The following CDC42BPA variants were observed in gnomAD, a reference collection of about 807,000 sequenced individuals.
CDC42BPA encodes serine/threonine-protein kinase MRCK alpha.
CDC42BPA carries 80 observed loss-of-function variants against 223.5 expected under a neutral mutation model. The observed-to-expected ratio is 0.36, with a 90% CI of 0.30 to 0.43. CDC42BPA has a LOEUF of 0.43. Among genes scored for constraint, CDC42BPA ranks in the 20% least tolerant of loss-of-function variants. The pLI is 1.00. For missense variants in CDC42BPA, 1,743 were observed against 2,099.9 expected (o/e 0.83, Z 3.32); for synonymous variants, 694 against 718.6 (o/e 0.97, Z 0.55).
chr1:227,152,409 T>A (rs1661955935), intron 6 of CDC42BPA, among the ~76,000 whole-genome samples: 1 of 152,168 alleles, frequency 6.6e-6, no homozygotes, highest in African/African-American at 2.4e-5. Flanking sequence ...TTGTGAGTGT[T>A]ACACGTTGAG....
At chr1:227,040,573 T>G in intron 23 of CDC42BPA, among the ~76,000 whole-genome samples, 1 of 152,304 alleles carries the variant, frequency 6.6e-6, no homozygotes, top group South Asian at 2.1e-4. Context: ...CAGCAAATAG[T>G]TAAGTAAAAT....
In CDC42BPA at chr1:227,261,124, C is replaced by T. The variant is rs10524126; in HGVS notation, c.179-6969G>A. Among the ~76,000 whole-genome samples, 187 of 120,928 alleles carry T rather than the reference C, an allele frequency of 1.5e-3. 1 individual carries two copies. The highest frequency in any genetic ancestry group is 3.3e-3 in the South Asian group (12 of 3,598). 79.3% of individuals were successfully genotyped at this position (120,928 alleles called of 152,430 possible). On this transcript the variant is annotated intron_variant, in intron 1 of 36. Transcript: ENST00000366766. ...TTTTTAACAGAATAATTGAGTTTTT[C>T]TTTTTTTTTGAGACAGAGTCTCGCT...
intron 2 of CDC42BPA, among the ~76,000 whole-genome samples, chr1:227,231,734 GTGA>G (rs1248749087): frequency 6.6e-6 from 1 of 151,988 alleles, no homozygotes; most frequent in East Asian, 1.9e-4. Flanking sequence ...CTGATGGCCA[GTGA>G]TGATGAGCAT....
At chr1:227,048,471 G>A (rs952553284) in intron 22 of CDC42BPA, among the ~76,000 whole-genome samples, 1 of 151,848 alleles carries the variant, frequency 6.6e-6, no homozygotes, top group African/African-American at 2.4e-5. Context: ...AGCTCTGGAT[G>A]TGAATACATA....
intron 17 of CDC42BPA, among the ~76,000 whole-genome samples, chr1:227,077,127 T>C (rs1384160835): frequency 1.3e-5 from 2 of 152,184 alleles, no homozygotes; most frequent in African/African-American, 4.8e-5. Flanking sequence ...TCCTGAAAAG[T>C]TGGGGCATAT....
In CDC42BPA at chr1:227,072,230, A is replaced by G. The variant is rs1268545408; in HGVS notation, c.2805T>C (p.Thr935=). The G allele has an allele frequency of 1.9e-6, 3 of 1,604,922 alleles. No homozygotes were observed. The highest frequency in any genetic ancestry group is 1.1e-5 in the South Asian group (1 of 90,644). ...TACCCTTTTCAGATCTAAGCTCTTC[A>G]GTGTCCTTTATCAGCTGTTCGATTT... is the stretch of plus-strand genomic sequence containing the variant. ...LSEIEQLIKD[T]EELRSEKGIE... Residue 935 remains threonine (T), a synonymous_variant, in exon 20 of 37, where the codon ACT becomes ACC. Coordinates refer to ENST00000366766, the MANE Select transcript of CDC42BPA (RefSeq NM_001394014.1).
rs531035081 is a variant in CDC42BPA, at chr1:227,230,344, A to C, written c.271-17125T>G. On this transcript the variant is annotated intron_variant, in intron 2 of 36. Coordinates refer to ENST00000366766, the MANE Select transcript of CDC42BPA (RefSeq NM_001394014.1). ...TAATCAGAATCAGAAGCTCCACATAAATTATTTAATAGTTCAAATTTCTCA... is the reference window on the plus strand; with the variant it reads ...TAATCAGAATCAGAAGCTCCACATACATTATTTAATAGTTCAAATTTCTCA... Among the ~76,000 whole-genome samples the C allele has an allele frequency of 1.1e-4, 16 of 152,320 alleles. 1 individual carries two copies. The South Asian group carries it at 3.3e-3, about 32-fold the overall frequency.
At chr1:227,001,619 G>C (rs1252814246) in intron 35 of CDC42BPA, among the ~76,000 whole-genome samples, 1 of 152,168 alleles carries the variant, frequency 6.6e-6, no homozygotes, top group Non-Finnish European at 1.5e-5. Context: ...AACCTAATGT[G>C]AACTGGGCTG....
intron 21 of CDC42BPA, among the ~76,000 whole-genome samples, chr1:227,054,139 CTTTA>C (rs10560887): frequency 0.28 from 42,912 of 151,844 alleles, 6,222 homozygotes; most frequent in African/African-American, 0.34. Context: ...TTGCAAAAGG[CTTTA>C]TTTAGCCCCA....
intron 1 of CDC42BPA, among the ~76,000 whole-genome samples, chr1:227,297,954 G>GTATATA (rs371424194): frequency 2.1e-4 from 27 of 127,106 alleles, no homozygotes; most frequent in East Asian, 6.3e-4. Flanking sequence ...GTGTGTGTGT[G>GTATATA]TATATATACA....
intron 3 of CDC42BPA, among the ~76,000 whole-genome samples, chr1:227,204,619 C>T (rs1404108527): frequency 2.0e-5 from 3 of 152,068 alleles, no homozygotes; most frequent in African/African-American, 7.2e-5. Flanking sequence ...AGCTGAAGTG[C>T]CTCAGGGTAG....
At chr1:227,297,158 A>G (rs942809037) in intron 1 of CDC42BPA, among the ~76,000 whole-genome samples, 10 of 152,252 alleles carry the variant, frequency 6.6e-5, no homozygotes, top group African/African-American at 2.4e-4. Flanking sequence ...AAGAAGATAT[A>G]CAAATTGCCA....
chr1:227,059,490 C>T (rs1191310000), intron 21 of CDC42BPA: 13 of 1,261,608 alleles, frequency 1.0e-5, no homozygotes, highest in Non-Finnish European at 1.5e-5. Flanking sequence ...ATTGTATTAA[C>T]AGACAAAGTA....
intron 35 of CDC42BPA, among the ~76,000 whole-genome samples, chr1:226,996,502 G>T (rs1661636409): frequency 9.6e-6 from 1 of 104,666 alleles, no homozygotes; most frequent in Non-Finnish European, 2.4e-5. Context: ...CCAATACTAT[G>T]TTGAATAGGA....
chr1:227,036,208 C>G lies in CDC42BPA; in HGVS notation c.3200-601G>C, dbSNP rs374048833. Among the ~76,000 whole-genome samples the G allele has an allele frequency of 1.2e-4, 18 of 152,242 alleles. No homozygotes were observed. The East Asian group carries it at 3.3e-3, about 28-fold the overall frequency. On this transcript the variant is annotated intron_variant, in intron 24 of 36. Transcript: ENST00000366766. ...TCTAAGAGAGGTACAGTTACCATCT[C>G]TATAAATGGACTACATATCACTGAT...
chr1:227,273,995 C>CAAAAAAAAAAAAAAAAAAAAAA lies in CDC42BPA; in HGVS notation c.179-19862_179-19841dup, dbSNP rs10599884. ...ATAGTTTTCAAATATTCGTATACACCAAAAAAAAAAAAAAAAAAAAAAAAA... is the reference window on the plus strand; with the variant it reads ...ATAGTTTTCAAATATTCGTATACACCAAAAAAAAAAAAAAAAAAAAAAAAAAAAAAAAAAAAAAAAAAAAAAA... On this transcript the variant is annotated intron_variant, in intron 1 of 36. Coordinates refer to ENST00000366766, the MANE Select transcript of CDC42BPA (RefSeq NM_001394014.1). Among the ~76,000 whole-genome samples, 13 of 57,004 alleles carry CAAAAAAAAAAAAAAAAAAAAAA rather than the reference C, an allele frequency of 2.3e-4. 1 individual carries two copies. The highest frequency in any genetic ancestry group is 7.0e-4 in the African/African-American group (11 of 15,672). The allele number at this position is 57,004 out of a possible 152,430, so 37.4% of individuals were successfully genotyped here. A position where few individuals can be genotyped will look rare whatever the true frequency, so the allele number is the denominator to read the frequency against.
At position 227,298,105 on chromosome 1, in the gene CDC42BPA, CA is replaced by C. The variant is rs541949123; in HGVS notation, c.178+18899del. 4.7e-5 allele frequency among the ~76,000 whole-genome samples: 7 copies of C among 149,582 alleles called. No homozygotes were observed. In the South Asian group the frequency reaches 1.1e-3, roughly 23 times the overall value. Reference sequence around the variant, plus strand: ...ATACAATGTTTTTTTTTATCTGTCTCAAAAAAAATCTCTCTTTCTCAGTGTA... The same window carrying C: ...ATACAATGTTTTTTTTTATCTGTCTCAAAAAAATCTCTCTTTCTCAGTGTA... On this transcript the variant is annotated intron_variant, in intron 1 of 36. Transcript: ENST00000366766.
intron 34 of CDC42BPA, among the ~76,000 whole-genome samples, chr1:227,014,170 A>G (rs17600669): frequency 0.39 from 59,867 of 151,740 alleles, 12,213 homozygotes; most frequent in Non-Finnish European, 0.46. Context: ...TCACTCCCAG[A>G]AAAAGGTTGA....
Position 227,112,879 on chromosome 1 carries a change from T to C in CDC42BPA, c.1682A>G (p.Gln561Arg), listed in dbSNP as rs752725854. 6.2e-7 allele frequency: 1 copy of C among 1,614,088 alleles called. No homozygotes were observed. Among genetic ancestry groups the C allele is most frequent in the East Asian group, 2.2e-5 (1 of 44,870 alleles). ...GTGTGCGTCTTTCAGCTCTTTGGAT[T>C]GGTTTTTTAATCGCTCACTAGCCTG... The part of the protein sequence containing the change: ...LVQASERLKN[Q>R]SKELKDAHCQ... The change falls in exon 13 of 37, where the codon CAA becomes CGA. Residue 561 changes from glutamine (Q) to arginine (R), a missense_variant. Coordinates refer to ENST00000366766, the MANE Select transcript of CDC42BPA (RefSeq NM_001394014.1).
Sources: gnomAD v4.1 joint callset for allele counts (sites outside exome capture counted in the v4.1 genomes callset) on GRCh38, gnomAD v4.1.1 for gene constraint, MANE v1.5 for transcripts, NCBI Gene and HGNC (gene_info 2026-07-23, HGNC 2026-07-21) for gene names.